The following UNC13C variants were observed in gnomAD, a reference collection of about 807,000 sequenced individuals.
UNC13C encodes the protein unc-13 homolog C, also known as protein unc-13 homolog C.
A neutral mutation model predicts 245.4 loss-of-function variants in UNC13C; 174 were observed. The ratio of observed to expected loss-of-function variants is 0.71; its 90% CI spans 0.63 to 0.80. The LOEUF is 0.80. Ranked by LOEUF, UNC13C falls within the 30% of genes least tolerant of loss-of-function variation. The pLI, the probability that UNC13C is intolerant of heterozygous loss-of-function variation, is 0.00. For missense variants in UNC13C, 2,829 were observed against 2,602.9 expected, an observed-to-expected ratio of 1.09 and a Z score of -1.89; for synonymous variants, 992 against 895.1, an observed-to-expected ratio of 1.11 and a Z score of -1.93.
chr15:54,339,303 G>A (rs2038669712), intron 17 of UNC13C, among the ~76,000 whole-genome samples: 1 of 152,180 alleles, frequency 6.6e-6, no homozygotes. Flanking sequence ...TGGGGAACAA[G>A]TGGCATTTGG....
chr15:54,021,065 C>G (rs140032382), intron 2 of UNC13C, among the ~76,000 whole-genome samples: 1 of 151,750 alleles, frequency 6.6e-6, no homozygotes, highest in Non-Finnish European at 1.5e-5. Context: ...CATTTTTAAT[C>G]GACAATAACA....
chr15:54,240,962 A>G (rs1481836497), intron 7 of UNC13C, among the ~76,000 whole-genome samples: 1 of 152,186 alleles, frequency 6.6e-6, no homozygotes, highest in South Asian at 2.1e-4. Flanking sequence ...CAGACTGGAA[A>G]TAAAGTAGCG....
rs141195414 is a variant in UNC13C, at chr15:54,012,994, A to G, written c.91A>G (p.Lys31Glu). ...MFTKKLGNTN[K>E]NKEYRQQKKD... ...TACAAAGAAATTGGGAAATACAAAC[A>G]AAAACAAAGAGTATCGTCAGCAGAA... The change falls in exon 2 of 33, where the codon AAA (lysine) becomes GAA (glutamate). Residue 31 changes from lysine (K) to glutamate (E), a missense_variant. Lys to Glu is a moderately conservative substitution (Grantham distance 56). Coordinates refer to ENST00000260323, the MANE Select transcript of UNC13C (RefSeq NM_001080534.3). The G allele has an allele frequency of 5.9e-3, 9,505 of 1,613,872 alleles. 41 individuals are homozygous for G. The highest frequency in any genetic ancestry group is 7.2e-3 in the Non-Finnish European group (8,492 of 1,179,836).
At chr15:54,058,022 A>G (rs1334213494) in intron 2 of UNC13C, among the ~76,000 whole-genome samples, 1 of 152,214 alleles carries the variant, frequency 6.6e-6, no homozygotes, top group Admixed American at 6.5e-5. Flanking sequence ...AAGATCTAAA[A>G]TTGACACCCT....
chr15:54,189,973 A>G (rs779240541), intron 4 of UNC13C, among the ~76,000 whole-genome samples: 12 of 152,178 alleles, frequency 7.9e-5, no homozygotes, highest in Admixed American at 2.0e-4. Flanking sequence ...CAACAGTCCT[A>G]ATTTTAGCTT....
chr15:54,047,103 A>G (rs1255935629), intron 2 of UNC13C, among the ~76,000 whole-genome samples: 9 of 152,056 alleles, frequency 5.9e-5, no homozygotes, highest in Admixed American at 5.9e-4. Context: ...TAATTTGGAG[A>G]CAGATGATTA....
the UNC13C span, chr15:53,911,883 G>C: frequency 6.6e-6 from 1 of 152,276 alleles, no homozygotes; most frequent in African/African-American, 2.4e-5. Flanking sequence ...ACCCCCGGAT[G>C]CTTTGGCCCT....
chr15:54,501,113 T>C (rs1894191866), intron 22 of UNC13C, 135 bp downstream of exon 22: 1 of 830,746 alleles, frequency 1.2e-6, no homozygotes, highest in Non-Finnish European at 1.8e-6. Flanking sequence ...AATTCAGTTG[T>C]TTCCAGGATT....
the UNC13C span, among the ~76,000 whole-genome samples, chr15:53,897,893 C>T: frequency 2.0e-5 from 3 of 152,122 alleles, no homozygotes; most frequent in African/African-American, 7.2e-5. Context: ...TCTGTCTAAC[C>T]CCTACTAAAA....
At position 54,014,313 on chromosome 15, in the gene UNC13C, G is replaced by A. The variant is rs1371845176; in HGVS notation, c.1410G>A (p.Lys470=). ...GAAACAGTTACGCTGTGCTTTCCAA[G>A]TCAGAGCTTCTAACAAAGGGAAGTA... The part of the protein sequence containing the change: ...LNRNSYAVLS[K]SELLTKGSTS... The change falls in exon 2 of 33, where the codon AAG becomes AAA. Residue 470 remains lysine (K), a synonymous_variant. Coordinates refer to ENST00000260323, the MANE Select transcript of UNC13C (RefSeq NM_001080534.3). 6.2e-7 allele frequency: 1 copy of A among 1,613,900 alleles called. No homozygotes were observed. Among genetic ancestry groups the A allele is most frequent in the Non-Finnish European group, 8.5e-7 (1 of 1,179,834 alleles).
intron 18 of UNC13C, among the ~76,000 whole-genome samples, chr15:54,400,465 T>A (rs1366734442): frequency 1.3e-5 from 2 of 152,170 alleles, no homozygotes; most frequent in Non-Finnish European, 2.9e-5. Flanking sequence ...TGCTTCCTTG[T>A]GGTGCTATTT....
chr15:54,193,102 A>G (rs2034241567), intron 4 of UNC13C, among the ~76,000 whole-genome samples: 1 of 152,176 alleles, frequency 6.6e-6, no homozygotes. Flanking sequence ...CTGAGGCTTC[A>G]GGTATTCACA....
At chr15:54,122,852 A>G (rs1164438577) in intron 2 of UNC13C, among the ~76,000 whole-genome samples, 1 of 152,062 alleles carries the variant, frequency 6.6e-6, no homozygotes, top group East Asian at 1.9e-4. Context: ...TTATACATTC[A>G]TGTGTTGATT....
At chr15:53,861,047 C>A in the UNC13C span, among the ~76,000 whole-genome samples, 627 of 152,212 alleles carry the variant, frequency 4.1e-3, 4 homozygotes, top group African/African-American at 0.014. Context: ...TCTCTGAAAG[C>A]TAGAGATACT....
chr15:54,592,404 C>G (rs1372401555), intron 30 of UNC13C, among the ~76,000 whole-genome samples: 2 of 152,124 alleles, frequency 1.3e-5, no homozygotes, highest in African/African-American at 4.8e-5. Flanking sequence ...ATTGAAGTCC[C>G]CCACTATTAT....
chr15:54,193,938 G>A (rs1337250878), intron 4 of UNC13C, among the ~76,000 whole-genome samples: 1 of 152,186 alleles, frequency 6.6e-6, no homozygotes, highest in Non-Finnish European at 1.5e-5. Context: ...TTCTACTGAA[G>A]AGAACAGAGG....
At chr15:54,606,864 G>A (rs1899793811) in intron 30 of UNC13C, among the ~76,000 whole-genome samples, 1 of 152,114 alleles carries the variant, frequency 6.6e-6, no homozygotes, top group Admixed American at 6.5e-5. Flanking sequence ...GATGAATGTG[G>A]CACATACTCT....
intron 26 of UNC13C, among the ~76,000 whole-genome samples, chr15:54,542,152 A>G (rs940684225): frequency 1.3e-5 from 2 of 152,142 alleles, no homozygotes; most frequent in Non-Finnish European, 2.9e-5. Context: ...ATATGAATAA[A>G]AAGGGATCAT....
At chr15:54,425,194 C>T (rs2040734667) in intron 19 of UNC13C, among the ~76,000 whole-genome samples, 1 of 151,788 alleles carries the variant, frequency 6.6e-6, no homozygotes, top group East Asian at 1.9e-4. Flanking sequence ...AGTAGAAACA[C>T]ATTACAGTGA....
Sources: gnomAD v4.1 joint callset for allele counts (sites outside exome capture counted in the v4.1 genomes callset) on GRCh38, gnomAD v4.1.1 for gene constraint, MANE v1.5 for transcripts, NCBI Gene and HGNC (gene_info 2026-07-23, HGNC 2026-07-21) for gene names.